Variants in PHACTR2 observed in about 807,000 individuals in gnomAD.
The protein encoded by PHACTR2 is phosphatase and actin regulator 2, also known as chromosome 6 open reading frame 56.
PHACTR2 carries 30 observed loss-of-function variants against 76.0 expected under a neutral mutation model. The ratio of observed to expected loss-of-function variants is 0.39; its 90% CI spans 0.30 to 0.54. The LOEUF is 0.54. Ranked by LOEUF, PHACTR2 falls within the 20% of genes least tolerant of loss-of-function variation. The pLI, the probability that PHACTR2 is intolerant of heterozygous loss-of-function variation, is 0.61. For synonymous variants in PHACTR2, 292 were observed against 292.5 expected (o/e 1.00, Z 0.02); for missense variants, 696 against 781.1 (o/e 0.89, Z 1.30).
chr6:143,810,524 G>T, intron 12 of PHACTR2: 1 of 449,534 alleles, frequency 2.2e-6, no homozygotes, highest in Non-Finnish European at 4.5e-6. Flanking sequence ...ATTAGATTGG[G>T]CATCTTAACA....
rs1382981409 is a variant in PHACTR2 at position 143,731,347 on chromosome 6, G to T, written c.215-17638G>T. Among the ~76,000 whole-genome samples, 1 of 151,994 alleles carries T rather than the reference G, an allele frequency of 6.6e-6. No homozygotes were observed. The highest frequency in any genetic ancestry group is 1.5e-5 in the Non-Finnish European group (1 of 68,008). On this transcript the variant is annotated intron_variant, in intron 2 of 12. Coordinates refer to ENST00000440869, the MANE Select transcript of PHACTR2 (RefSeq NM_001100164.2). This position sits in a 1 kb window ranked among gnomAD's most constrained non-coding sequence, Gnocchi z 4.9. ...TTGTTGCCCAGGCTGGAGTGCAATG[G>T]CACGGTCTTGGCTCACAGCAACCTC...
In PHACTR2 at chr6:143,743,020, C is replaced by G. The variant is rs1332673079; in HGVS notation, c.215-5965C>G. 1.3e-5 allele frequency among the ~76,000 whole-genome samples: 2 copies of G among 152,186 alleles called. No individual in the cohort carries two copies. The highest frequency in any genetic ancestry group is 2.9e-5 in the Non-Finnish European group (2 of 68,038). ...TCCAAAAGAACCAGGAAAGTAGTTG[C>G]TATCTCTCCATTTTGCAGATGAGGA... is the stretch of plus-strand genomic sequence containing the variant. On this transcript the variant is annotated intron_variant, in intron 2 of 12. Transcript: ENST00000440869. This position sits in a 1 kb window ranked among gnomAD's most constrained non-coding sequence, Gnocchi z 5.0.
rs912249286 is a variant in PHACTR2 at position 143,602,294 on chromosome 6, C to A, written c.217+65087C>A. 1.3e-5 allele frequency among the ~76,000 whole-genome samples: 2 copies of A among 152,170 alleles called. No homozygotes were observed. The highest frequency in any genetic ancestry group is 2.9e-5 in the Non-Finnish European group (2 of 68,038). ...ATACTGCCGATCCAGTATTTAGGGA[C>A]CCACGTGAAGCTTAGTTAATTATTG... is the stretch of plus-strand genomic sequence containing the variant. On this transcript the variant is annotated intron_variant, in intron 1 of 11. Transcript: ENST00000367584. The surrounding 1 kb of genome is among the most constrained non-coding windows in gnomAD (Gnocchi z 6.1).
rs531061358 is a variant in PHACTR2 at position 143,537,569 on chromosome 6, G to A, written c.217+362G>A. Among the ~76,000 whole-genome samples, 2 of 152,310 alleles carry A rather than the reference G, an allele frequency of 1.3e-5. No homozygotes were observed. The highest frequency in any genetic ancestry group is 3.9e-4 in the East Asian group (2 of 5,166). ...AGAAAGAGGAACATTCTCGGTCTTCGGCGCGACTTTGGTCCCTCGGAAGGG... is the reference window on the plus strand; with the variant it reads ...AGAAAGAGGAACATTCTCGGTCTTCAGCGCGACTTTGGTCCCTCGGAAGGG... On this transcript the variant is annotated intron_variant, in intron 1 of 11. Coordinates refer to the PHACTR2 transcript ENST00000367584. The surrounding 1 kb of genome is among the most constrained non-coding windows in gnomAD (Gnocchi z 4.4).
Position 143,592,337 on chromosome 6 carries a change from G to A in PHACTR2, c.217+55130G>A, listed in dbSNP as rs1775701277. On this transcript the variant is annotated intron_variant, in intron 1 of 11. Transcript: ENST00000367584. The surrounding 1 kb of genome is among the most constrained non-coding windows in gnomAD (Gnocchi z 4.0). ...ACCATCCTCTCCATCCAGATCCCCT[G>A]CATGTTTACTATTGTTTAGTAAGTT... 6.6e-6 allele frequency among the ~76,000 whole-genome samples: 1 copy of A among 152,140 alleles called. No individual in the cohort carries two copies. The highest frequency in any genetic ancestry group is 1.5e-5 in the Non-Finnish European group (1 of 68,016).
Position 143,712,203 on chromosome 6 carries a change from T to G in PHACTR2, c.214+20T>G. The G allele has an allele frequency of 7.2e-7, 1 of 1,380,580 alleles. No individual in the cohort carries two copies. Among genetic ancestry groups the G allele is most frequent in the Non-Finnish European group, 9.5e-7 (1 of 1,052,344 alleles). The allele number at this position is 1,380,580 out of a possible 1,614,324, so 85.5% of individuals were successfully genotyped here. ...CGGCAGGTATGAGTATCATAACTTG[T>G]TAGAAGATGGGATAAATTGTAAAAC... On this transcript the variant is annotated intron_variant, in intron 2 of 12. Transcript: ENST00000440869.
Position 143,623,282 on chromosome 6 carries a change from C to G in PHACTR2, c.13+14960C>G, listed in dbSNP as rs956901921. 1.3e-5 allele frequency among the ~76,000 whole-genome samples: 2 copies of G among 151,780 alleles called. No individual in the cohort carries two copies. Among genetic ancestry groups the G allele is most frequent in the Non-Finnish European group, 2.9e-5 (2 of 67,966 alleles). On this transcript the variant is annotated intron_variant, in intron 1 of 11. Coordinates refer to the PHACTR2 transcript ENST00000305766. This position sits in a 1 kb window ranked among gnomAD's most constrained non-coding sequence, Gnocchi z 5.9. ...AATGTATTAGTATATTTAAATTGTC[C>G]CTTGCTCTTAATATATGGAGAGAGA...
intron 12 of PHACTR2, among the ~76,000 whole-genome samples, chr6:143,808,843 A>C (rs1208946962): frequency 6.6e-6 from 1 of 152,172 alleles, no homozygotes; most frequent in Non-Finnish European, 1.5e-5. Flanking sequence ...ACATGTCCCT[A>C]TCAAGCCAGA....
chr6:143,818,590 G>A lies in PHACTR2; in HGVS notation c.1923-5084G>A, dbSNP rs889315605. Among the ~76,000 whole-genome samples the A allele has an allele frequency of 6.6e-6, 1 of 152,200 alleles. No homozygotes were observed. The highest frequency in any genetic ancestry group is 1.5e-5 in the Non-Finnish European group (1 of 68,044). On this transcript the variant is annotated intron_variant, in intron 12 of 12. Transcript: ENST00000440869. This position sits in a 1 kb window ranked among gnomAD's most constrained non-coding sequence, Gnocchi z 4.9. ...GACTGGGTAATTTATAAAGGAAAGA[G>A]ATTTAATTGACTCACAGTTCCATGT...
In PHACTR2 at chr6:143,777,956, C is replaced by G. The variant is rs1415663665; in HGVS notation, c.1645+573C>G. On this transcript the variant is annotated intron_variant, in intron 9 of 12. Coordinates refer to ENST00000440869, the MANE Select transcript of PHACTR2 (RefSeq NM_001100164.2). The surrounding 1 kb of genome is among the most constrained non-coding windows in gnomAD (Gnocchi z 4.6). ...TTATTTTCCCATTCTGTTTTTCCCT[C>G]TGTTCTCTTTGACTTTAGTTTTTAC... 6.6e-6 allele frequency among the ~76,000 whole-genome samples: 1 copy of G among 152,190 alleles called. No individual in the cohort carries two copies. Among genetic ancestry groups the G allele is most frequent in the African/African-American group, 2.4e-5 (1 of 41,454 alleles).
In PHACTR2 at chr6:143,672,849, C is replaced by G. The variant is rs540322859; in HGVS notation, c.14-39167C>G. Among the ~76,000 whole-genome samples, 15 of 152,114 alleles carry G rather than the reference C, an allele frequency of 9.9e-5. No homozygotes were observed. Among genetic ancestry groups the G allele is most frequent in the Non-Finnish European group, 2.1e-4 (14 of 68,018 alleles). ...AAGTGATTCTCCGGCCTCAGCCTCC[C>G]AAGTAGCTGAGATTACAGGAGTGCA... On this transcript the variant is annotated intron_variant, in intron 1 of 11. Coordinates refer to the PHACTR2 transcript ENST00000305766. This position sits in a 1 kb window ranked among gnomAD's most constrained non-coding sequence, Gnocchi z 5.8.
At chr6:143,606,694 A>C (rs1484097887), upstream of PHACTR2, among the ~76,000 whole-genome samples, 1 of 151,992 alleles carries the variant, frequency 6.6e-6, no homozygotes, top group Non-Finnish European at 1.5e-5. Flanking sequence ...TATAACACTC[A>C]CTCTGGATAG....
intron 1 of PHACTR2, among the ~76,000 whole-genome samples, chr6:143,687,031 A>G (rs1777541575): frequency 6.6e-6 from 1 of 152,174 alleles, no homozygotes; most frequent in Admixed American, 6.5e-5. Flanking sequence ...TGGTCCCAAT[A>G]TAGCCACCTT....
In PHACTR2 at chr6:143,648,583, T is replaced by C. The variant is rs1389650354; in HGVS notation, c.13+40261T>C. On this transcript the variant is annotated intron_variant, in intron 1 of 11. Coordinates refer to the PHACTR2 transcript ENST00000305766. The surrounding 1 kb of genome is among the most constrained non-coding windows in gnomAD (Gnocchi z 6.7). ...GAGTGGAAGGAAATCCTATCATTAC[T>C]GTGGCTGCCCTCTGAGGTAGGAAGG... Among the ~76,000 whole-genome samples the C allele has an allele frequency of 6.6e-6, 1 of 152,144 alleles. No individual in the cohort carries two copies. The highest frequency in any genetic ancestry group is 1.5e-5 in the Non-Finnish European group (1 of 68,016).
chr6:143,625,886 A>G lies in PHACTR2; in HGVS notation c.13+17564A>G, dbSNP rs575661543. Among the ~76,000 whole-genome samples, 19 of 152,286 alleles carry G rather than the reference A, an allele frequency of 1.2e-4. No individual in the cohort carries two copies. The highest frequency in any genetic ancestry group is 2.6e-4 in the Non-Finnish European group (18 of 68,010). Reference sequence around the variant, plus strand: ...GTGGTAAGAACCATGAAGAAAGGTAAAGCAGAGTGGTGGGGCAGGGACAAC... The same window carrying G: ...GTGGTAAGAACCATGAAGAAAGGTAGAGCAGAGTGGTGGGGCAGGGACAAC... On this transcript the variant is annotated intron_variant, in intron 1 of 11. Transcript: ENST00000305766. The surrounding 1 kb of genome is among the most constrained non-coding windows in gnomAD (Gnocchi z 4.3).
chr6:143,618,287 G>A lies in PHACTR2; in HGVS notation c.13+9965G>A, dbSNP rs9321931. On this transcript the variant is annotated intron_variant, in intron 1 of 11. Coordinates refer to the PHACTR2 transcript ENST00000305766. The surrounding 1 kb of genome is among the most constrained non-coding windows in gnomAD (Gnocchi z 5.2). ...CACACACACACACACACACACACAC[G>A]CACACTCCAGAATGAGTTTCAGATC... is the stretch of plus-strand genomic sequence containing the variant. Among the ~76,000 whole-genome samples, 174 of 133,784 alleles carry A rather than the reference G, an allele frequency of 1.3e-3. No individual in the cohort carries two copies. The highest frequency in any genetic ancestry group is 3.7e-3 in the Middle Eastern group (1 of 270). The allele number at this position is 133,784 out of a possible 152,430, so 87.8% of individuals were successfully genotyped here.
intron 6 of PHACTR2, among the ~76,000 whole-genome samples, chr6:143,771,162 A>ATG (rs1562300661): frequency 2.0e-4 from 7 of 34,678 alleles, no homozygotes; most frequent in South Asian, 1.4e-3. Context: ...ATATATGTAT[A>ATG]TATATATATA....
Position 143,827,008 on chromosome 6 carries a change from A to G in PHACTR2, c.*3319A>G, listed in dbSNP as rs1447283850. On this transcript the variant is annotated 3_prime_UTR_variant, in exon 13 of 13. Coordinates refer to ENST00000440869, the MANE Select transcript of PHACTR2 (RefSeq NM_001100164.2). The stretch of plus-strand genomic sequence containing the variant: ...GAAGTTCTGAAATTGAAGGGAAAAT[A>G]TATTTAAGGAAATAAAGGAATTCAA... The G allele has an allele frequency of 6.6e-6, 1 of 151,524 alleles. No individual in the cohort carries two copies. The highest frequency in any genetic ancestry group is 2.4e-5 in the African/African-American group (1 of 41,250). The allele number at this position is 151,524 out of a possible 1,614,324, so 9.4% of individuals were successfully genotyped here.
intron 11 of PHACTR2, among the ~76,000 whole-genome samples, chr6:143,796,737 A>G (rs1775836157): frequency 6.6e-6 from 1 of 152,182 alleles, no homozygotes; most frequent in African/African-American, 2.4e-5. Flanking sequence ...AAAGGACATC[A>G]ACTCATCCTT....
Sources: gnomAD v4.1 joint callset for allele counts (sites outside exome capture counted in the v4.1 genomes callset) on GRCh38, gnomAD v4.1.1 for gene constraint, Gnocchi (gnomAD v3.1) non-coding constraint, MANE v1.5 for transcripts, NCBI Gene and HGNC (gene_info 2026-07-23, HGNC 2026-07-21) for gene names.